Variants in EPM2A observed in about 807,000 individuals in gnomAD.
EPM2A encodes the protein laforin.
A neutral mutation model predicts 26.5 loss-of-function variants in EPM2A; 21 were observed. That is an observed-to-expected ratio of 0.79 (90% CI 0.56 to 1.14). The LOEUF (loss-of-function observed/expected upper bound fraction) is 1.14, where lower values mean the gene tolerates loss of function less well. Ranked by LOEUF, EPM2A falls within the 50% of genes most tolerant of loss-of-function variation. The pLI is 0.00. For synonymous variants in EPM2A, 217 were observed against 177.6 expected (o/e 1.22, Z -1.76); for missense variants, 458 against 440.8 (o/e 1.04, Z -0.35).
chr6:145,684,366 C>T (rs1780763942), intron 2 of EPM2A, among the ~76,000 whole-genome samples: 1 of 152,002 alleles, frequency 6.6e-6, no homozygotes, highest in Non-Finnish European at 1.5e-5. Flanking sequence ...TATGACTCTT[C>T]AGAAAAAAGG....
In EPM2A at chr6:145,388,828, G is replaced by T. The variant is rs146128216; in HGVS notation, c.556-4731C>A. Among the ~76,000 whole-genome samples the T allele has an allele frequency of 3.2e-3, 481 of 152,222 alleles. 9 individuals carry two copies. The East Asian group carries it at 0.056, about 18-fold the overall frequency. On this transcript the variant is annotated intron_variant, in intron 4 of 4. Transcript: ENST00000638717. The stretch of plus-strand genomic sequence containing the variant: ...GGTTTCCAGCTTCATCCATGTCCCT[G>T]CAAAGGACATGAATTCATCCTTTTT...
At chr6:145,386,005 T>C (rs545696660) in intron 4 of EPM2A, among the ~76,000 whole-genome samples, 10 of 152,054 alleles carry the variant, frequency 6.6e-5, no homozygotes, top group Non-Finnish European at 1.3e-4. Context: ...CTCAAATGCA[T>C]TCCAGTTTCT....
chr6:145,562,003 T>G (rs1416592370), intron 2 of EPM2A, among the ~76,000 whole-genome samples: 2 of 151,742 alleles, frequency 1.3e-5, no homozygotes, highest in African/African-American at 4.8e-5. Context: ...CCACAACACA[T>G]GTATACCTAT....
intron 4 of EPM2A, among the ~76,000 whole-genome samples, chr6:145,475,753 T>C (rs896765392): frequency 4.6e-5 from 7 of 151,936 alleles, no homozygotes; most frequent in Non-Finnish European, 8.8e-5. Context: ...AAGAGAGTAT[T>C]TGAAAGCCTC....
intron 4 of EPM2A, among the ~76,000 whole-genome samples, chr6:145,480,910 A>G (rs975718357): frequency 6.6e-6 from 1 of 152,094 alleles, no homozygotes; most frequent in Non-Finnish European, 1.5e-5. Flanking sequence ...GATCTTTAAT[A>G]ATGAGCTCAT....
chr6:145,647,617 C>G (rs931552743), intron 2 of EPM2A, among the ~76,000 whole-genome samples: 3 of 151,804 alleles, frequency 2.0e-5, no homozygotes, highest in African/African-American at 7.3e-5. Flanking sequence ...CCTTACAGTA[C>G]CCACGGCACT....
chr6:145,455,787 G>C (rs1433656974), intron 4 of EPM2A, among the ~76,000 whole-genome samples: 1 of 152,042 alleles, frequency 6.6e-6, no homozygotes, highest in Non-Finnish European at 1.5e-5. Flanking sequence ...AGGTTTACTG[G>C]TAAATTATTC....
intron 1 of EPM2A, among the ~76,000 whole-genome samples, chr6:145,720,260 A>G (rs905917522): frequency 6.6e-6 from 1 of 152,204 alleles, no homozygotes; most frequent in East Asian, 1.9e-4. Flanking sequence ...CTTTTATGGG[A>G]TACTTCTTCA....
At chr6:145,541,305 T>C (rs2114794530) in intron 2 of EPM2A, among the ~76,000 whole-genome samples, 1 of 147,618 alleles carries the variant, frequency 6.8e-6, no homozygotes, top group East Asian at 2.0e-4. Context: ...AATTTGTGTG[T>C]GTGTGTATAT....
chr6:145,557,259 G>T (rs1780739620), intron 2 of EPM2A, among the ~76,000 whole-genome samples: 1 of 152,086 alleles, frequency 6.6e-6, no homozygotes, highest in Admixed American at 6.6e-5. Context: ...GAAATAGCAA[G>T]AAGCAGAGAG....
chr6:145,425,631 C>CAAA (rs35954002), intron 4 of EPM2A, among the ~76,000 whole-genome samples: 1 of 137,158 alleles, frequency 7.3e-6, no homozygotes, highest in Non-Finnish European at 1.6e-5. Flanking sequence ...TTGAGAATGG[C>CAAA]AAAAAAAAAA....
At chr6:145,726,543 C>A (rs1184434082) in intron 1 of EPM2A, among the ~76,000 whole-genome samples, 1 of 152,076 alleles carries the variant, frequency 6.6e-6, no homozygotes, top group Non-Finnish European at 1.5e-5. Context: ...ACTTCAACTA[C>A]ATGATCAAAG....
At chr6:145,422,988 TAAA>T (rs1253484146) in intron 4 of EPM2A, among the ~76,000 whole-genome samples, 2 of 152,134 alleles carry the variant, frequency 1.3e-5, no homozygotes, top group African/African-American at 2.4e-5. Flanking sequence ...GTCAATATAA[TAAA>T]TGATCATTAA....
intron 2 of EPM2A, among the ~76,000 whole-genome samples, chr6:145,531,063 T>A (rs1192015913): frequency 1.3e-5 from 2 of 152,216 alleles, no homozygotes; most frequent in African/African-American, 4.8e-5. Flanking sequence ...CTATGGGAGT[T>A]CCGTCAGGAT....
intron 2 of EPM2A, among the ~76,000 whole-genome samples, chr6:145,520,232 T>C (rs900597682): frequency 2.0e-5 from 3 of 152,224 alleles, no homozygotes; most frequent in African/African-American, 7.2e-5. Flanking sequence ...ACTTTTTCTC[T>C]TTTCCATTCA....
At chr6:145,595,045 T>A (rs950178010) in intron 2 of EPM2A, among the ~76,000 whole-genome samples, 2 of 151,960 alleles carry the variant, frequency 1.3e-5, no homozygotes, top group Non-Finnish European at 2.9e-5. Context: ...CCATACTTTT[T>A]AAAATGTTTT....
At chr6:145,499,876 C>T (rs117653130), downstream of EPM2A, among the ~76,000 whole-genome samples, 3 of 152,122 alleles carry the variant, frequency 2.0e-5, no homozygotes, top group African/African-American at 7.2e-5. Context: ...ATTAGGGATG[C>T]CTGTAGTGTG....
chr6:145,427,304 G>T, intron 4 of EPM2A, among the ~76,000 whole-genome samples: 1 of 152,182 alleles, frequency 6.6e-6, no homozygotes, highest in East Asian at 1.9e-4. Context: ...AAATAGGGTG[G>T]TAAATTCTGA....
At chr6:145,685,851 A>AT (rs1780864056) in intron 2 of EPM2A, among the ~76,000 whole-genome samples, 1 of 152,184 alleles carries the variant, frequency 6.6e-6, no homozygotes, top group Admixed American at 6.5e-5. Context: ...AATCCACTAC[A>AT]TAAGTACACA....
Sources: allele counts gnomAD v4.1 joint callset (sites outside exome capture counted in the v4.1 genomes callset), GRCh38; gene constraint gnomAD v4.1.1; transcripts MANE v1.5; gene names NCBI Gene and HGNC (gene_info 2026-07-23, HGNC 2026-07-21).